PCMTD2: variants seen among roughly 807,000 people sequenced by gnomAD.
The protein encoded by PCMTD2 is protein-L-isoaspartate (D-aspartate) O-methyltransferase domain containing 2.
In PCMTD2, 16 loss-of-function variants were observed where a neutral mutation model predicts 33.4. The observed-to-expected ratio is 0.48, with a 90% CI of 0.32 to 0.73. PCMTD2 has a LOEUF of 0.73. Among genes scored for constraint, PCMTD2 ranks in the 30% least tolerant of loss-of-function variants. The pLI is 0.03. For missense variants in PCMTD2, 374 were observed against 449.9 expected (o/e 0.83, Z 1.53); for synonymous variants, 161 against 160.8 (o/e 1.00, Z -0.01).
chr20:64,267,785 G>A (rs956139781), intron 4 of PCMTD2, 102 bp from the exon 5 acceptor site: 1 of 963,162 alleles, frequency 1.0e-6, no homozygotes, highest in Admixed American at 2.4e-5. Context: ...TCATTTTATT[G>A]TAAGCATTTC....
chr20:64,262,531 C>T (rs1429329624), intron 2 of PCMTD2: 1 of 152,312 alleles, frequency 6.6e-6, no homozygotes, highest in Non-Finnish European at 1.5e-5. Flanking sequence ...TCTCCAGATG[C>T]TGCAGCTTTT....
In PCMTD2 at chr20:64,265,332, G is replaced by A. The variant is rs774528110; in HGVS notation, c.485G>A (p.Arg162His). 27 of 1,612,960 alleles carry A rather than the reference G, an allele frequency of 1.7e-5. No homozygotes were observed. The highest frequency in any genetic ancestry group is 2.2e-5 in the East Asian group (1 of 44,870). ...EISPDCSQYD[R>H]VYCGAGVQKE... ...TCTCCGGATTGTTCTCAGTATGATCGTGTATACTGTGGGGCTGGCGTGCAG... is the reference window on the plus strand; with the variant it reads ...TCTCCGGATTGTTCTCAGTATGATCATGTATACTGTGGGGCTGGCGTGCAG... The change falls in exon 4 of 6, where the codon CGT becomes CAT. Residue 162 changes from arginine (R) to histidine (H), a missense_variant. Physicochemically the swap from Arg to His is conservative, Grantham distance 29 (BLOSUM62 0). Coordinates refer to ENST00000308824, the MANE Select transcript of PCMTD2 (RefSeq NM_018257.3).
At chr20:64,256,345 A>G (rs1985166229) in intron 1 of PCMTD2, among the ~76,000 whole-genome samples, 1 of 152,182 alleles carries the variant, frequency 6.6e-6, no homozygotes, top group African/African-American at 2.4e-5. Flanking sequence ...CAATTCACGC[A>G]TGGAAAGAGA....
Position 64,264,497 on chromosome 20 carries a change from G to T in PCMTD2, c.376G>T (p.Asp126Tyr). 1 of 1,599,510 alleles carries T rather than the reference G, an allele frequency of 6.3e-7. No individual in the cohort carries two copies. The change falls in exon 3 of 6, where the codon GAC becomes TAC. Residue 126 changes from aspartate (D) to tyrosine (Y), a missense_variant. Transcript: ENST00000308824. ...GATAGAGTATGCAAAGCAGAAACTG[G>T]ACTTCTTCATCAGAACAAGTGATAG... ...DVIEYAKQKL[D>Y]FFIRTSDSFD...
At position 64,264,355 on chromosome 20, in the gene PCMTD2, G is replaced by GT; in HGVS notation, c.308-72dup. The GT allele has an allele frequency of 6.5e-6, 5 of 766,486 alleles. 1 individual carries two copies. In the South Asian group the frequency reaches 7.3e-5, roughly 11 times the overall value. 47.5% of individuals were successfully genotyped at this position (766,486 alleles called of 1,614,324 possible). A position where few individuals can be genotyped will look rare whatever the true frequency, so the allele number is the denominator to read the frequency against. On this transcript the variant is annotated intron_variant, in intron 2 of 5. Coordinates refer to ENST00000308824, the MANE Select transcript of PCMTD2 (RefSeq NM_018257.3). ...CACATGTTAAGTCAGACGTGTTACA[G>GT]TTGGTAGAAGTGAACAGATGAGCAA...
chr20:64,256,348 G>A (rs528352319), intron 1 of PCMTD2, among the ~76,000 whole-genome samples: 2 of 152,296 alleles, frequency 1.3e-5, no homozygotes, highest in East Asian at 3.9e-4. Context: ...TTCACGCATG[G>A]AAAGAGATCT....
intron 5 of PCMTD2, chr20:64,272,183 G>T (rs1985939296): frequency 2.7e-6 from 1 of 375,260 alleles, no homozygotes; most frequent in Non-Finnish European, 5.4e-6. Flanking sequence ...GAGGGTTTCT[G>T]AAGAACAGTG....
chr20:64,265,041 C>G (rs146373211), intron 3 of PCMTD2, among the ~76,000 whole-genome samples: 1 of 152,326 alleles, frequency 6.6e-6, no homozygotes, highest in East Asian at 1.9e-4. Flanking sequence ...TATTCACTTT[C>G]ATACTATTTT....
chr20:64,260,301 C>T (rs780498627), intron 2 of PCMTD2, 29 bp downstream of exon 2: 2 of 1,506,176 alleles, frequency 1.3e-6, no homozygotes, highest in Non-Finnish European at 1.8e-6. Context: ...TCTGAAAACT[C>T]ATCTGTCTCA....
At chr20:64,265,592 C>T in intron 4 of PCMTD2, 163 bp downstream of exon 4, 1 of 501,670 alleles carries the variant, frequency 2.0e-6, no homozygotes, top group Non-Finnish European at 3.3e-6. Context: ...CATGCCCTAG[C>T]TGGGGCCAGA....
At position 64,267,836 on chromosome 20, in the gene PCMTD2, G is replaced by C. The variant is rs896345401; in HGVS notation, c.583-51G>C. On this transcript the variant is annotated intron_variant, in intron 4 of 5. Transcript: ENST00000308824. ...TATGTATAGGAATGATTAAATATGAGCTAAATAGTAGCCAATTCTTTTGAA... is the reference window on the plus strand; with the variant it reads ...TATGTATAGGAATGATTAAATATGACCTAAATAGTAGCCAATTCTTTTGAA... The C allele has an allele frequency of 1.9e-6, 3 of 1,544,354 alleles. No homozygotes were observed. In the African/African-American group the frequency reaches 4.1e-5, roughly 21 times the overall value.
chr20:64,273,165 G>A lies in PCMTD2; in HGVS notation c.707-56G>A, dbSNP rs1243979802. 2.1e-5 allele frequency: 31 copies of A among 1,490,268 alleles called. No individual in the cohort carries two copies. In the East Asian group the frequency reaches 2.3e-4, roughly 11 times the overall value. The allele number at this position is 1,490,268 out of a possible 1,614,324, so 92.3% of individuals were successfully genotyped here. On this transcript the variant is annotated intron_variant, in intron 5 of 5. Coordinates refer to ENST00000308824, the MANE Select transcript of PCMTD2 (RefSeq NM_018257.3). ...TGCTACGGGTCTTAGGTGTGTAGGC[G>A]TTGTGGTGGTGTCACTCCGATGCAT...
intron 4 of PCMTD2, 34 bp downstream of exon 4, chr20:64,265,463 ACT>A: frequency 6.5e-7 from 1 of 1,541,938 alleles, no homozygotes; most frequent in Non-Finnish European, 8.9e-7. Flanking sequence ...ATTTCTGCAC[ACT>A]GTGTGCCAAG....
At chr20:64,266,247 A>T (rs1284628412) in intron 4 of PCMTD2, among the ~76,000 whole-genome samples, 2 of 151,644 alleles carry the variant, frequency 1.3e-5, no homozygotes, top group African/African-American at 4.8e-5. Context: ...TTTATTTTTT[A>T]AATATTTATT....
At position 64,260,028 on chromosome 20, in the gene PCMTD2, A is replaced by C. The variant is rs1358348051; in HGVS notation, c.63A>C (p.Ala21=). The C allele has an allele frequency of 6.2e-7, 1 of 1,611,018 alleles. No homozygotes were observed. Among genetic ancestry groups the C allele is most frequent in the Admixed American group, 1.7e-5 (1 of 60,020 alleles). The stretch of plus-strand genomic sequence containing the variant: ...AGCTGATAGATAATTTGAAAGAAGC[A>C]CAGTATATCCGGACTGAGCTGGTAG... ...NDELIDNLKE[A]QYIRTELVEQ... Residue 21 remains alanine, a synonymous_variant, in exon 2 of 6, where the codon GCA becomes GCC. Coordinates refer to ENST00000308824, the MANE Select transcript of PCMTD2 (RefSeq NM_018257.3).
chr20:64,275,042 G>C lies in PCMTD2; in HGVS notation c.*1442G>C, dbSNP rs761330606. On this transcript the variant is annotated 3_prime_UTR_variant, in exon 6 of 6. Transcript: ENST00000308824. Reference sequence around the variant, plus strand: ...CTTCAGTGTCTCTGTGGTTTCACCAGCTTAGCTTGAGCTCTGGTTATTTTG... The same window carrying C: ...CTTCAGTGTCTCTGTGGTTTCACCACCTTAGCTTGAGCTCTGGTTATTTTG... 2 of 152,122 alleles carry C rather than the reference G, an allele frequency of 1.3e-5. No individual in the cohort carries two copies. The highest frequency in any genetic ancestry group is 2.4e-5 in the African/African-American group (1 of 41,426). The allele number at this position is 152,122 out of a possible 1,614,324, so 9.4% of individuals were successfully genotyped here.
At chr20:64,267,493 G>A (rs947659552) in intron 4 of PCMTD2, among the ~76,000 whole-genome samples, 1 of 152,174 alleles carries the variant, frequency 6.6e-6, no homozygotes, top group African/African-American at 2.4e-5. Flanking sequence ...GGTTGGTAAC[G>A]TATCTGTAAT....
intron 5 of PCMTD2, among the ~76,000 whole-genome samples, chr20:64,268,822 C>A (rs926022846): frequency 1.3e-5 from 2 of 151,982 alleles, no homozygotes; most frequent in African/African-American, 4.8e-5. Flanking sequence ...GAAATGATTA[C>A]ACTTTGCTTT....
chr20:64,265,845 T>C (rs532911953), intron 4 of PCMTD2, among the ~76,000 whole-genome samples: 3 of 152,344 alleles, frequency 2.0e-5, no homozygotes, highest in Non-Finnish European at 4.4e-5. Context: ...AATTGTTACA[T>C]GCCTTGATGT....
Sources: gnomAD v4.1 joint callset for allele counts (sites outside exome capture counted in the v4.1 genomes callset) on GRCh38, gnomAD v4.1.1 for gene constraint, MANE v1.5 for transcripts, NCBI Gene and HGNC (gene_info 2026-07-23, HGNC 2026-07-21) for gene names.